RPS6KA2: variants seen among roughly 807,000 people sequenced by gnomAD.
RPS6KA2 encodes ribosomal protein S6 kinase alpha-2.
A neutral mutation model predicts 91.8 loss-of-function variants in RPS6KA2; 42 were observed. That is an observed-to-expected ratio of 0.46 (90% CI 0.36 to 0.59). The LOEUF (loss-of-function observed/expected upper bound fraction) is 0.59, where lower values mean the gene tolerates loss of function less well. Among genes scored for constraint, RPS6KA2 ranks in the 20% least tolerant of loss-of-function variants. The probability of loss-of-function intolerance (pLI) is 0.00; values close to 1 mark genes in which losing one functional copy is unlikely to be tolerated. For missense variants in RPS6KA2, 798 were observed against 978.5 expected (o/e 0.82, Z 2.46); for synonymous variants, 414 against 393.6 (o/e 1.05, Z -0.61).
At chr6:166,600,447 A>T (rs1785694419) in intron 1 of RPS6KA2, among the ~76,000 whole-genome samples, 1 of 152,238 alleles carries the variant, frequency 6.6e-6, no homozygotes, top group South Asian at 2.1e-4. Flanking sequence ...AGTGAAGATA[A>T]ATGAATGAGT....
chr6:166,710,174 A>G (rs1263709333), intron 2 of RPS6KA2, among the ~76,000 whole-genome samples: 6 of 152,238 alleles, frequency 3.9e-5, no homozygotes, highest in Admixed American at 3.3e-4. Context: ...AAAAAATACA[A>G]TGAAATCCCT....
At position 166,612,417 on chromosome 6, in the gene RPS6KA2, A is replaced by T. The variant is rs1029009177; in HGVS notation, c.99+14504T>A. 2.0e-5 allele frequency among the ~76,000 whole-genome samples: 3 copies of T among 151,854 alleles called. No homozygotes were observed. Among genetic ancestry groups the T allele is most frequent in the African/African-American group, 7.3e-5 (3 of 41,294 alleles). On this transcript the variant is annotated intron_variant, in intron 1 of 20. Transcript: ENST00000265678. The surrounding 1 kb of genome is among the most constrained non-coding windows in gnomAD (Gnocchi z 4.3). ...TTTCCTTAGGAGAAAGATGGCATGC[A>T]CCCCTGGGTCACCTGGCAAAGCTAT...
intron 2 of RPS6KA2, among the ~76,000 whole-genome samples, chr6:166,846,987 CTGTT>C (rs916692545): frequency 1.3e-5 from 2 of 152,112 alleles, no homozygotes; most frequent in South Asian, 4.1e-4. Context: ...CAAACTGTCA[CTGTT>C]TGCTGACAAT....
At chr6:166,572,864 G>A (rs1046884753) in intron 1 of RPS6KA2, among the ~76,000 whole-genome samples, 1 of 152,248 alleles carries the variant, frequency 6.6e-6, no homozygotes, top group Non-Finnish European at 1.5e-5. Context: ...CCTTGAATCT[G>A]CACGTTCGGG....
At chr6:166,486,361 GGTCCTGA>G (rs1213616050) in intron 10 of RPS6KA2, among the ~76,000 whole-genome samples, 9 of 152,122 alleles carry the variant, frequency 5.9e-5, no homozygotes, top group African/African-American at 2.2e-4. Flanking sequence ...CCTCCCCTCT[GGTCCTGA>G]GTGCTCTCCA....
intron 2 of RPS6KA2, among the ~76,000 whole-genome samples, chr6:166,656,707 C>A (rs1201243241): frequency 6.6e-6 from 1 of 152,336 alleles, no homozygotes; most frequent in South Asian, 2.1e-4. Flanking sequence ...TGCAGCACTG[C>A]GCGGTTCACC....
chr6:166,788,249 C>T (rs778016324), intron 2 of RPS6KA2, among the ~76,000 whole-genome samples: 15 of 152,124 alleles, frequency 9.9e-5, no homozygotes, highest in South Asian at 2.1e-4. Context: ...GAGTGTAACT[C>T]GGTTCAACCA....
At chr6:166,829,757 T>C (rs1380122037) in intron 2 of RPS6KA2, among the ~76,000 whole-genome samples, 2 of 151,530 alleles carry the variant, frequency 1.3e-5, no homozygotes, top group African/African-American at 4.9e-5. Flanking sequence ...AGCAGACGAG[T>C]GGAAGAACAA....
chr6:166,647,748 GCACA>G (rs756662534), intron 2 of RPS6KA2, among the ~76,000 whole-genome samples: 22 of 150,718 alleles, frequency 1.5e-4, no homozygotes, highest in South Asian at 4.2e-4. Flanking sequence ...ACACATACAT[GCACA>G]CACACACACA....
intron 2 of RPS6KA2, among the ~76,000 whole-genome samples, chr6:166,532,002 T>C (rs1167793478): frequency 6.6e-6 from 1 of 152,146 alleles, no homozygotes; most frequent in Non-Finnish European, 1.5e-5. Flanking sequence ...CCATGCAAAT[T>C]AAGAAAATAG....
chr6:166,665,413 G>C lies in RPS6KA2; in HGVS notation c.124-126629C>G, dbSNP rs573260367. Among the ~76,000 whole-genome samples, 1 of 152,226 alleles carries C rather than the reference G, an allele frequency of 6.6e-6. No individual in the cohort carries two copies. Among genetic ancestry groups the C allele is most frequent in the Non-Finnish European group, 1.5e-5 (1 of 68,016 alleles). ...CAATGTCACCCAAACCCAAAGAAGG[G>C]TTTGCAGCAGCAGCTGCACAAAGCT... is the stretch of plus-strand genomic sequence containing the variant. On this transcript the variant is annotated intron_variant, in intron 2 of 21. Coordinates refer to the RPS6KA2 transcript ENST00000503859. The surrounding 1 kb of genome is among the most constrained non-coding windows in gnomAD (Gnocchi z 4.5).
At chr6:166,609,937 A>T (rs1353514811) in intron 1 of RPS6KA2, among the ~76,000 whole-genome samples, 1 of 152,238 alleles carries the variant, frequency 6.6e-6, no homozygotes, top group Non-Finnish European at 1.5e-5. Context: ...TTGAAGATTT[A>T]AAAAATGTAT....
rs1562427821 is a variant in RPS6KA2 at position 166,767,779 on chromosome 6, AC to A, written c.123+90420del. On this transcript the variant is annotated intron_variant, in intron 2 of 21. Transcript: ENST00000503859. The surrounding 1 kb of genome is among the most constrained non-coding windows in gnomAD (Gnocchi z 4.6). Reference sequence around the variant, plus strand: ...CTAAAGACAATACCTCCTCAAACACACACACACACACACACACACACACACA... The same window carrying A: ...CTAAAGACAATACCTCCTCAAACACAACACACACACACACACACACACACA... Among the ~76,000 whole-genome samples, 17 of 21,020 alleles carry A rather than the reference AC, an allele frequency of 8.1e-4. No individual in the cohort carries two copies. The highest frequency in any genetic ancestry group is 2.7e-3 in the African/African-American group (16 of 5,866). 13.8% of individuals were successfully genotyped at this position (21,020 alleles called of 152,430 possible).
intron 5 of RPS6KA2, among the ~76,000 whole-genome samples, chr6:166,506,008 C>T (rs1170890491): frequency 2.0e-5 from 3 of 152,192 alleles, no homozygotes; most frequent in African/African-American, 7.2e-5. Context: ...CAGGAAGTTT[C>T]TCCATAGAAA....
chr6:166,547,179 A>G (rs1783854163), intron 1 of RPS6KA2, among the ~76,000 whole-genome samples: 1 of 152,184 alleles, frequency 6.6e-6, no homozygotes, highest in African/African-American at 2.4e-5. Flanking sequence ...CTGGGGTAAG[A>G]GAGGCCGGTG....
At chr6:166,658,965 C>A (rs1163444619) in intron 2 of RPS6KA2, among the ~76,000 whole-genome samples, 1 of 152,088 alleles carries the variant, frequency 6.6e-6, no homozygotes, top group Non-Finnish European at 1.5e-5. Context: ...TAATTAGATA[C>A]CCCGACCAAT....
chr6:166,771,037 A>T, intron 2 of RPS6KA2: 2 of 705,240 alleles, frequency 2.8e-6, no homozygotes, highest in Non-Finnish European at 4.5e-6. Flanking sequence ...GTTTCTAAAC[A>T]TTAATCTCCA....
chr6:166,638,048 C>G (rs1275086143), intron 2 of RPS6KA2, among the ~76,000 whole-genome samples: 1 of 152,244 alleles, frequency 6.6e-6, no homozygotes, highest in Non-Finnish European at 1.5e-5. Context: ...GGCACGGCCT[C>G]GGTTCACCGC....
intron 1 of RPS6KA2, among the ~76,000 whole-genome samples, chr6:166,574,012 C>G (rs944773428): frequency 5.9e-5 from 9 of 152,130 alleles, no homozygotes; most frequent in Non-Finnish European, 4.4e-5. Flanking sequence ...ACCATCTCTA[C>G]GCGGTCCACT....
Sources: allele counts gnomAD v4.1 joint callset (sites outside exome capture counted in the v4.1 genomes callset), GRCh38; gene constraint gnomAD v4.1.1; non-coding constraint Gnocchi (gnomAD v3.1); transcripts MANE v1.5; gene names NCBI Gene and HGNC (gene_info 2026-07-23, HGNC 2026-07-21).